The following RAB21 variants were observed in gnomAD, a reference collection of about 807,000 sequenced individuals.
RAB21 encodes ras-related protein Rab-21.
In RAB21, 13 loss-of-function variants were observed where a neutral mutation model predicts 33.1. The observed-to-expected ratio is 0.39, with a 90% confidence interval of 0.26 to 0.62. RAB21 has a LOEUF of 0.62. RAB21 is among the 20% of genes least tolerant of loss of function. The pLI, the probability that RAB21 is intolerant of heterozygous loss-of-function variation, is 0.48. For synonymous variants in RAB21, 91 were observed against 103.7 expected (o/e 0.88, Z 0.74); for missense variants, 234 against 279.1 (o/e 0.84, Z 1.15).
intron 4 of RAB21, among the ~76,000 whole-genome samples, chr12:71,775,189 A>G (rs866676168): frequency 2.0e-5 from 3 of 152,202 alleles, no homozygotes; most frequent in African/African-American, 7.2e-5. Context: ...TTGAACAATA[A>G]AAGTATACTA....
chr12:71,757,715 ATTC>A (rs1468881951), intron 1 of RAB21, among the ~76,000 whole-genome samples: 1 of 152,238 alleles, frequency 6.6e-6, no homozygotes, highest in Non-Finnish European at 1.5e-5. Flanking sequence ...ACAACTTTGT[ATTC>A]TTTTAATTTC....
chr12:71,796,532 T>G lies in RAB21; in HGVS notation c.*10859T>G, dbSNP rs1233880025. 2.2e-5 allele frequency: 3 copies of G among 137,396 alleles called. 1 individual carries two copies. The highest frequency in any genetic ancestry group is 5.9e-5 in the African/African-American group (2 of 34,154). The allele number at this position is 137,396 out of a possible 1,614,324, so 8.5% of individuals were successfully genotyped here. A position where few individuals can be genotyped will look rare whatever the true frequency, so the allele number is the denominator to read the frequency against. On this transcript the variant is annotated 3_prime_UTR_variant, in exon 7 of 7. Coordinates refer to ENST00000261263, the MANE Select transcript of RAB21 (RefSeq NM_014999.4). ...CTTCCTATCTAGGAAACTGGTGTCA[T>G]TAGGAAATACGTTAACATAAGATCC...
rs1470079664 is a variant in RAB21 at position 71,797,577 on chromosome 12, AT to A, written c.*11906del. 4.4e-4 allele frequency: 56 copies of A among 126,822 alleles called. 1 individual carries two copies. The highest frequency in any genetic ancestry group is 3.9e-3 in the Admixed American group (50 of 12,770). 7.9% of individuals were successfully genotyped at this position (126,822 alleles called of 1,614,324 possible). A position where few individuals can be genotyped will look rare whatever the true frequency, so the allele number is the denominator to read the frequency against. On this transcript the variant is annotated 3_prime_UTR_variant, in exon 7 of 7. Coordinates refer to ENST00000261263, the MANE Select transcript of RAB21 (RefSeq NM_014999.4). ...ATGCAATCCCAATAAAAATATAAGG[AT>A]TAAAAAAAAAAAAAACTAGATCGCT...
chr12:71,784,760 T>A (rs2137659527), intron 6 of RAB21, among the ~76,000 whole-genome samples: 1 of 152,246 alleles, frequency 6.6e-6, no homozygotes, highest in East Asian at 1.9e-4. Context: ...TCTGCTGTGT[T>A]CTTCGAAGTT....
At chr12:71,770,239 G>T (rs979487649) in intron 2 of RAB21, among the ~76,000 whole-genome samples, 1 of 152,144 alleles carries the variant, frequency 6.6e-6, no homozygotes. Flanking sequence ...GTCTCTCCCA[G>T]TGTGGGAACT....
chr12:71,775,152 A>G (rs1883101262), intron 4 of RAB21, among the ~76,000 whole-genome samples: 1 of 152,100 alleles, frequency 6.6e-6, no homozygotes, highest in Non-Finnish European at 1.5e-5. Context: ...TTTTCTTTAG[A>G]TTATTATTTC....
chr12:71,764,018 T>A (rs1882918747), intron 1 of RAB21, among the ~76,000 whole-genome samples: 1 of 152,058 alleles, frequency 6.6e-6, no homozygotes, highest in Non-Finnish European at 1.5e-5. Context: ...TTGTTGAAAA[T>A]TAAATGAAAA....
At position 71,773,975 on chromosome 12, in the gene RAB21, A is replaced by T; in HGVS notation, c.344A>T (p.Lys115Ile). ...TATATACAGGTAAAAAACTGGGTCA[A>T]AGAATTACGGAAAATGTTGGGAAAT... ...DSFQKVKNWV[K>I]ELRKMLGNEI... Residue 115 changes from lysine to isoleucine, a missense_variant, in exon 4 of 7, where the codon AAA becomes ATA. Lys to Ile is a moderately radical substitution (Grantham distance 102, BLOSUM62 -3). Coordinates refer to ENST00000261263, the MANE Select transcript of RAB21 (RefSeq NM_014999.4). 6.3e-7 allele frequency: 1 copy of T among 1,593,540 alleles called. No individual in the cohort carries two copies. Among genetic ancestry groups the T allele is most frequent in the Non-Finnish European group, 8.5e-7 (1 of 1,169,862 alleles).
chr12:71,762,564 C>CAA (rs1232954405), intron 1 of RAB21, among the ~76,000 whole-genome samples: 1 of 152,066 alleles, frequency 6.6e-6, no homozygotes, highest in Non-Finnish European at 1.5e-5. Flanking sequence ...CTCGGCCTCC[C>CAA]AAAGTGCTGG....
At chr12:71,772,771 CTT>C (rs1883062476) in intron 3 of RAB21, among the ~76,000 whole-genome samples, 1 of 152,044 alleles carries the variant, frequency 6.6e-6, no homozygotes, top group Admixed American at 6.5e-5. Flanking sequence ...GCTTTGAAAA[CTT>C]TGTACATATA....
rs147080330 is a variant in RAB21 at position 71,770,510 on chromosome 12, A to G, written c.220-82A>G. Reference sequence around the variant, plus strand: ...CTTTGACTTTATGCCATATTTTCCAATTAATCAAAAAGTTCACCATAGTTG... The same window carrying G: ...CTTTGACTTTATGCCATATTTTCCAGTTAATCAAAAAGTTCACCATAGTTG... On this transcript the variant is annotated intron_variant, in intron 2 of 6. Coordinates refer to ENST00000261263, the MANE Select transcript of RAB21 (RefSeq NM_014999.4). 1.2e-4 allele frequency: 110 copies of G among 949,064 alleles called. 1 individual carries two copies. Among genetic ancestry groups the G allele is most frequent in the South Asian group, 3.2e-4 (23 of 72,216 alleles). 58.8% of individuals were successfully genotyped at this position (949,064 alleles called of 1,614,324 possible).
intron 1 of RAB21, among the ~76,000 whole-genome samples, chr12:71,769,038 T>C (rs186166245): frequency 5.3e-5 from 8 of 152,292 alleles, no homozygotes; most frequent in Admixed American, 5.2e-4. Flanking sequence ...GTATTGACCA[T>C]ACCCACTTGG....
Position 71,785,772 on chromosome 12 carries a change from G to T in RAB21, c.*99G>T. ...TCCAAGTCACATTATTTTACCAATG[G>T]AATTATAGAATTAACAGTATTTTAA... On this transcript the variant is annotated 3_prime_UTR_variant, in exon 7 of 7. Transcript: ENST00000261263. The T allele has an allele frequency of 7.4e-7, 1 of 1,354,254 alleles. No individual in the cohort carries two copies. The highest frequency in any genetic ancestry group is 2.3e-5 in the East Asian group (1 of 42,642). 83.9% of individuals were successfully genotyped at this position (1,354,254 alleles called of 1,614,324 possible).
rs1883486154 is a variant in RAB21 at position 71,797,925 on chromosome 12, G to C, written c.*12252G>C. 1 of 152,074 alleles carries C rather than the reference G, an allele frequency of 6.6e-6. No homozygotes were observed. Among genetic ancestry groups the C allele is most frequent in the Non-Finnish European group, 1.5e-5 (1 of 68,008 alleles). 9.4% of individuals were successfully genotyped at this position (152,074 alleles called of 1,614,324 possible). ...ACCTCATAAACCAAAATGCATTCCA[G>C]TTTAAATATGAAAACTGAAATGTTT... On this transcript the variant is annotated 3_prime_UTR_variant, in exon 7 of 7. Transcript: ENST00000261263.
At chr12:71,776,612 T>TGAGCTG (rs1883123501) in intron 4 of RAB21, among the ~76,000 whole-genome samples, 1 of 151,972 alleles carries the variant, frequency 6.6e-6, no homozygotes, top group African/African-American at 2.4e-5. Context: ...TTTCTTCTGT[T>TGAGCTG]GACAAGTGTG....
chr12:71,798,904 G>C lies in RAB21; in HGVS notation c.*13231G>C, dbSNP rs566833743. On this transcript the variant is annotated 3_prime_UTR_variant, in exon 7 of 7. Transcript: ENST00000261263. ...TACCCAGAACTTTTTATGCAGATGG[G>C]GGGGCAGTCTGAATGCTAATTAAGT... The C allele has an allele frequency of 6.6e-6, 1 of 152,194 alleles. No homozygotes were observed. Among genetic ancestry groups the C allele is most frequent in the East Asian group, 1.9e-4 (1 of 5,202 alleles). The allele number at this position is 152,194 out of a possible 1,614,324, so 9.4% of individuals were successfully genotyped here.
In RAB21 at chr12:71,794,961, C is replaced by T. The variant is rs1883448174; in HGVS notation, c.*9288C>T. 2 of 151,486 alleles carry T rather than the reference C, an allele frequency of 1.3e-5. No homozygotes were observed. The highest frequency in any genetic ancestry group is 2.9e-5 in the Non-Finnish European group (2 of 67,918). The allele number at this position is 151,486 out of a possible 1,614,324, so 9.4% of individuals were successfully genotyped here. A position where few individuals can be genotyped will look rare whatever the true frequency, so the allele number is the denominator to read the frequency against. ...CAAAAAAAAAGTTAAAAGTTGTTAA[C>T]TAGATGTCGAATTATTTTCATAGTA... On this transcript the variant is annotated 3_prime_UTR_variant, in exon 7 of 7. Transcript: ENST00000261263.
Position 71,776,781 on chromosome 12 carries a change from G to T in RAB21, c.391+2759G>T, listed in dbSNP as rs181832224. 4.9e-3 allele frequency among the ~76,000 whole-genome samples: 741 copies of T among 151,236 alleles called. 7 individuals carry two copies. Among genetic ancestry groups the T allele is most frequent in the African/African-American group, 0.017 (706 of 41,224 alleles). ...CCAAACTTATTAGGATAACTTAAAG[G>T]ATTAAAAAAAAAGTATTTTGGGCCT... On this transcript the variant is annotated intron_variant, in intron 4 of 6. Transcript: ENST00000261263.
Position 71,755,198 on chromosome 12 carries a change from G to A in RAB21, c.69G>A (p.Val23=), listed in dbSNP as rs1462038619. The A allele has an allele frequency of 1.4e-5, 21 of 1,530,116 alleles. No homozygotes were observed. Among genetic ancestry groups the A allele is most frequent in the Non-Finnish European group, 1.8e-5 (21 of 1,143,184 alleles). 94.8% of individuals were successfully genotyped at this position (1,530,116 alleles called of 1,614,324 possible). A position where few individuals can be genotyped will look rare whatever the true frequency, so the allele number is the denominator to read the frequency against. ...GCCGAGCCTACTCGTTCAAGGTGGT[G>A]CTGCTGGGGGAAGGCTGCGTGGGGA... is the stretch of plus-strand genomic sequence containing the variant. ...AAGRAYSFKV[V]LLGEGCVGKT... Residue 23 remains valine (V), a synonymous_variant, in exon 1 of 7, where the codon GTG becomes GTA. Coordinates refer to ENST00000261263, the MANE Select transcript of RAB21 (RefSeq NM_014999.4).
Sources: allele counts gnomAD v4.1 joint callset (sites outside exome capture counted in the v4.1 genomes callset), GRCh38; gene constraint gnomAD v4.1.1; transcripts MANE v1.5; gene names NCBI Gene and HGNC (gene_info 2026-07-23, HGNC 2026-07-21).